CNKSR3: variants seen among roughly 807,000 people sequenced by gnomAD.
CNKSR3 encodes the protein connector enhancer of kinase suppressor of ras 3.
In CNKSR3, 36 loss-of-function variants were observed where a neutral mutation model predicts 67.7. The ratio of observed to expected loss-of-function variants is 0.53; its 90% CI spans 0.41 to 0.70. The LOEUF is 0.70. CNKSR3 is among the 30% of genes least tolerant of loss of function. The probability of loss-of-function intolerance (pLI) is 0.00; values close to 1 mark genes in which losing one functional copy is unlikely to be tolerated. For missense variants in CNKSR3, 630 were observed against 695.2 expected, an observed-to-expected ratio of 0.91 and a Z score of 1.05; for synonymous variants, 281 against 271.4, an observed-to-expected ratio of 1.04 and a Z score of -0.35.
chr6:154,433,509 TA>T lies in CNKSR3; in HGVS notation c.508-3del. On this transcript the variant is annotated splice_polypyrimidine_tract_variant and splice_region_variant and intron_variant, in intron 4 of 12. Transcript: ENST00000607772. ...CTCCATTTCCGCTACAAAGCAATCC[TA>T]AAGAAGGGGATGGAGAAAATGAATA... 1 of 1,586,516 alleles carries T rather than the reference TA, an allele frequency of 6.3e-7. No individual in the cohort carries two copies. Among genetic ancestry groups the T allele is most frequent in the Non-Finnish European group, 8.6e-7 (1 of 1,160,498 alleles).
chr6:154,500,640 G>C (rs1004388312), intron 1 of CNKSR3, among the ~76,000 whole-genome samples: 2 of 152,116 alleles, frequency 1.3e-5, no homozygotes, highest in Non-Finnish European at 2.9e-5. Flanking sequence ...TTCTCAAAAT[G>C]CCATCTATTC....
intron 1 of CNKSR3, among the ~76,000 whole-genome samples, chr6:154,503,187 A>G (rs570852736): frequency 2.0e-5 from 3 of 152,296 alleles, no homozygotes; most frequent in South Asian, 2.1e-4. Context: ...GTCACCAACT[A>G]TAGGATAGTG....
chr6:154,467,201 A>G (rs1786221947), intron 1 of CNKSR3, among the ~76,000 whole-genome samples: 1 of 152,164 alleles, frequency 6.6e-6, no homozygotes, highest in African/African-American at 2.4e-5. Context: ...CACCGGGAGT[A>G]GAGATACTTT....
In CNKSR3 at chr6:154,400,381, G is replaced by A. The variant is rs1220718079; in HGVS notation, c.*5973C>T. On this transcript the variant is annotated 3_prime_UTR_variant, in exon 13 of 13. Transcript: ENST00000607772. ...CAACTCAGAAGACGAGCTTCATAAA[G>A]GTTGCCATAGAACTTTAGAATATGC... is the stretch of plus-strand genomic sequence containing the variant. The A allele has an allele frequency of 1.3e-5, 2 of 152,206 alleles. No homozygotes were observed. The highest frequency in any genetic ancestry group is 4.8e-5 in the African/African-American group (2 of 41,446). 9.4% of individuals were successfully genotyped at this position (152,206 alleles called of 1,614,324 possible). A position where few individuals can be genotyped will look rare whatever the true frequency, so the allele number is the denominator to read the frequency against.
At chr6:154,433,530 T>C (rs377752491) in intron 4 of CNKSR3, 23 bp from the exon 5 acceptor site, 181 of 1,562,662 alleles carry the variant, frequency 1.2e-4, no homozygotes, top group Non-Finnish European at 1.4e-4. Flanking sequence ...ATGGAGAAAA[T>C]GAATACTAAG....
At chr6:154,504,017 C>T (rs914996349) in intron 1 of CNKSR3, among the ~76,000 whole-genome samples, 1 of 152,146 alleles carries the variant, frequency 6.6e-6, no homozygotes, top group African/African-American at 2.4e-5. Flanking sequence ...GATTCTGATT[C>T]GGCAGGCCCA....
At chr6:154,490,941 G>A (rs927594186) in intron 1 of CNKSR3, among the ~76,000 whole-genome samples, 16 of 151,868 alleles carry the variant, frequency 1.1e-4, no homozygotes, top group African/African-American at 3.1e-4. Context: ...TCTGCCTCCC[G>A]GGTTCAAGTG....
intron 1 of CNKSR3, among the ~76,000 whole-genome samples, chr6:154,504,956 G>T (rs1485040542): frequency 6.6e-6 from 1 of 151,680 alleles, no homozygotes; most frequent in Non-Finnish European, 1.5e-5. Context: ...GTTATTAAGA[G>T]AATTTTATCA....
Position 154,471,823 on chromosome 6 carries a change from C to T in CNKSR3, c.53-21565G>A, listed in dbSNP as rs568942996. Reference sequence around the variant, plus strand: ...CTCACTTTGAGAGACCCTGCCATAACGCTTCAGGAAATGCCAGTCCTGAAA... The same window carrying T: ...CTCACTTTGAGAGACCCTGCCATAATGCTTCAGGAAATGCCAGTCCTGAAA... On this transcript the variant is annotated intron_variant, in intron 1 of 12. Coordinates refer to ENST00000607772, the MANE Select transcript of CNKSR3 (RefSeq NM_173515.4). Among the ~76,000 whole-genome samples the T allele has an allele frequency of 1.8e-4, 28 of 152,224 alleles. 1 individual carries two copies. In the South Asian group the frequency reaches 2.9e-3, roughly 16 times the overall value.
Position 154,457,322 on chromosome 6 carries a change from T to C in CNKSR3, c.53-7064A>G, listed in dbSNP as rs189035996. Among the ~76,000 whole-genome samples, 283 of 152,276 alleles carry C rather than the reference T, an allele frequency of 1.9e-3. 1 individual carries two copies. Among genetic ancestry groups the C allele is most frequent in the African/African-American group, 6.5e-3 (269 of 41,558 alleles). On this transcript the variant is annotated intron_variant, in intron 1 of 12. Transcript: ENST00000607772. ...ATCACTTGGAAATGCCTTTCTTCTG[T>C]CGCTCGTTTTGTTGATGTCTGTAGG...
chr6:154,426,607 A>T (rs1375183479), intron 7 of CNKSR3, among the ~76,000 whole-genome samples: 1 of 152,104 alleles, frequency 6.6e-6, no homozygotes, highest in Non-Finnish European at 1.5e-5. Flanking sequence ...TGCCCACCTC[A>T]GCCTCCCAAA....
Position 154,406,335 on chromosome 6 carries a change from G to T in CNKSR3, c.*19C>A. On this transcript the variant is annotated 3_prime_UTR_variant, in exon 13 of 13. Coordinates refer to ENST00000607772, the MANE Select transcript of CNKSR3 (RefSeq NM_173515.4). ...CACTTGGGGCAGGAGCCAGGCAGGT[G>T]GCCTGAGCAGGGTCCCTCTCAGTGA... The T allele has an allele frequency of 1.9e-6, 3 of 1,596,736 alleles. No individual in the cohort carries two copies. The highest frequency in any genetic ancestry group is 2.6e-6 in the Non-Finnish European group (3 of 1,171,580).
chr6:154,445,707 A>G (rs1785694750), intron 2 of CNKSR3, among the ~76,000 whole-genome samples: 1 of 152,192 alleles, frequency 6.6e-6, no homozygotes, highest in Non-Finnish European at 1.5e-5. Flanking sequence ...ACTGAAATAA[A>G]GGGGTAGAGT....
intron 1 of CNKSR3, among the ~76,000 whole-genome samples, chr6:154,469,233 G>A (rs1407275177): frequency 6.6e-6 from 1 of 152,106 alleles, no homozygotes; most frequent in Non-Finnish European, 1.5e-5. Flanking sequence ...GCAACTGATT[G>A]GCTACCTCTC....
chr6:154,428,090 C>G, intron 7 of CNKSR3, 38 bp downstream of exon 7: 1 of 1,350,176 alleles, frequency 7.4e-7, no homozygotes. Flanking sequence ...TCTGTTTAAA[C>G]ACACAACAGA....
intron 9 of CNKSR3, among the ~76,000 whole-genome samples, chr6:154,420,013 T>A (rs143599408): frequency 1.3e-5 from 2 of 151,336 alleles, no homozygotes; most frequent in Non-Finnish European, 2.9e-5. Flanking sequence ...ACCTGGGAGG[T>A]GGAGGTTGCA....
intron 9 of CNKSR3, among the ~76,000 whole-genome samples, chr6:154,422,232 T>A (rs1004941639): frequency 1.3e-5 from 2 of 152,132 alleles, no homozygotes; most frequent in Admixed American, 1.3e-4. Context: ...GACCTCGTGA[T>A]CCGCCCGCCT....
At chr6:154,474,823 C>T (rs1036771806) in intron 1 of CNKSR3, among the ~76,000 whole-genome samples, 1 of 152,114 alleles carries the variant, frequency 6.6e-6, no homozygotes, top group Non-Finnish European at 1.5e-5. Context: ...AAATGTGGCA[C>T]AAAAGAGAGA....
chr6:154,444,222 T>G, intron 2 of CNKSR3, among the ~76,000 whole-genome samples: 1 of 152,236 alleles, frequency 6.6e-6, no homozygotes, highest in East Asian at 1.9e-4. Flanking sequence ...GAACACTTTA[T>G]GCCAGGAACT....
Sources: gnomAD v4.1 joint callset for allele counts (sites outside exome capture counted in the v4.1 genomes callset) on GRCh38, gnomAD v4.1.1 for gene constraint, MANE v1.5 for transcripts, NCBI Gene and HGNC (gene_info 2026-07-23, HGNC 2026-07-21) for gene names.